Variants in FSTL5 observed in about 807,000 individuals in gnomAD.
FSTL5 encodes follistatin-related protein 5.
FSTL5 carries 62 observed loss-of-function variants against 89.1 expected under a neutral mutation model. The observed-to-expected ratio is 0.70, with a 90% CI of 0.57 to 0.86. FSTL5 has a LOEUF of 0.86. FSTL5 is among the 40% of genes least tolerant of loss of function. The pLI is 0.00. For synonymous variants in FSTL5, 383 were observed against 346.2 expected, an observed-to-expected ratio of 1.11 and a Z score of -1.18; for missense variants, 1,057 against 1,001.6, an observed-to-expected ratio of 1.06 and a Z score of -0.75.
At chr4:161,652,238 AC>A (rs1736366579) in intron 7 of FSTL5, among the ~76,000 whole-genome samples, 3 of 152,230 alleles carry the variant, frequency 2.0e-5, no homozygotes, top group Admixed American at 1.3e-4. Context: ...GGATTTCGAG[AC>A]CAGCCTGGCC....
chr4:162,113,825 G>A (rs907438620), intron 1 of FSTL5, among the ~76,000 whole-genome samples: 2 of 152,028 alleles, frequency 1.3e-5, no homozygotes, highest in African/African-American at 4.8e-5. Flanking sequence ...TTTTAGTTAC[G>A]CATTCCCATA....
chr4:161,790,181 A>G lies in FSTL5; in HGVS notation c.410-14107T>C, dbSNP rs1413551817. 5.3e-5 allele frequency among the ~76,000 whole-genome samples: 8 copies of G among 152,186 alleles called. No homozygotes were observed. In the East Asian group the frequency reaches 1.5e-3, roughly 29 times the overall value. The stretch of plus-strand genomic sequence containing the variant: ...TATCAGGATCTGGCTTCTGTTATTT[A>G]TTGAAGACACAATGTTTTGATTGTT... On this transcript the variant is annotated intron_variant, in intron 4 of 15. Coordinates refer to ENST00000306100, the MANE Select transcript of FSTL5 (RefSeq NM_020116.5).
At chr4:161,806,669 A>T (rs1226689101) in intron 4 of FSTL5, among the ~76,000 whole-genome samples, 5 of 152,190 alleles carry the variant, frequency 3.3e-5, no homozygotes, top group African/African-American at 1.2e-4. Flanking sequence ...GAAATAAATT[A>T]TGCTTTTTGC....
At chr4:161,605,350 G>A (rs542906794) in intron 7 of FSTL5, among the ~76,000 whole-genome samples, 4 of 152,086 alleles carry the variant, frequency 2.6e-5, no homozygotes, top group Admixed American at 1.3e-4. Flanking sequence ...TATTTATACT[G>A]TAATTGCAAT....
chr4:161,735,047 T>C (rs2126765800), intron 6 of FSTL5, among the ~76,000 whole-genome samples: 1 of 152,300 alleles, frequency 6.6e-6, no homozygotes, highest in South Asian at 2.1e-4. Flanking sequence ...CACTTTCCAA[T>C]GCCAATCATA....
At chr4:161,499,966 C>T (rs1176149007) in intron 12 of FSTL5, 50 bp downstream of exon 12, 3 of 1,066,048 alleles carry the variant, frequency 2.8e-6, no homozygotes, top group Non-Finnish European at 4.3e-6. Flanking sequence ...CGTAATTCTA[C>T]TTAACAAAAT....
chr4:161,544,066 A>G (rs2126547068), intron 8 of FSTL5, among the ~76,000 whole-genome samples: 1 of 152,146 alleles, frequency 6.6e-6, no homozygotes, highest in East Asian at 1.9e-4. Flanking sequence ...ATTTGAGACG[A>G]AAAAATTGAA....
At chr4:161,562,607 T>A (rs1400419126) in intron 8 of FSTL5, among the ~76,000 whole-genome samples, 2 of 126,848 alleles carry the variant, frequency 1.6e-5, no homozygotes, top group Non-Finnish European at 3.5e-5. Context: ...ATAAATGGTT[T>A]TTTTTCCTAA....
At chr4:161,664,404 C>T (rs768424906) in intron 6 of FSTL5, among the ~76,000 whole-genome samples, 11 of 152,122 alleles carry the variant, frequency 7.2e-5, no homozygotes, top group Non-Finnish European at 1.3e-4. Context: ...ATCATCTCTC[C>T]CAAGTTCAAA....
At chr4:161,572,896 G>C (rs1401356267) in intron 8 of FSTL5, among the ~76,000 whole-genome samples, 1 of 152,140 alleles carries the variant, frequency 6.6e-6, no homozygotes. Context: ...AAAAAACATA[G>C]AGCATTAAAA....
intron 4 of FSTL5, among the ~76,000 whole-genome samples, chr4:161,846,861 T>C (rs1013595903): frequency 2.0e-5 from 3 of 152,204 alleles, no homozygotes; most frequent in African/African-American, 4.8e-5. Context: ...ATATTTTTTG[T>C]AGCTGATTAG....
At chr4:161,792,213 G>A (rs1729501789) in intron 4 of FSTL5, among the ~76,000 whole-genome samples, 1 of 152,142 alleles carries the variant, frequency 6.6e-6, no homozygotes, top group Admixed American at 6.5e-5. Context: ...GCGTGTCCAA[G>A]GCAGTGCTGA....
intron 12 of FSTL5, among the ~76,000 whole-genome samples, chr4:161,485,462 A>G (rs1018027893): frequency 1.3e-5 from 2 of 152,196 alleles, no homozygotes; most frequent in African/African-American, 2.4e-5. Flanking sequence ...CTCCGCTGTC[A>G]CCTTCTAGGA....
At chr4:161,689,689 C>A (rs897671350) in intron 6 of FSTL5, among the ~76,000 whole-genome samples, 1 of 152,036 alleles carries the variant, frequency 6.6e-6, no homozygotes, top group Non-Finnish European at 1.5e-5. Flanking sequence ...TTAACGTATA[C>A]AACTTAGTGC....
At chr4:161,534,903 C>A (rs1731541990) in intron 10 of FSTL5, among the ~76,000 whole-genome samples, 1 of 151,884 alleles carries the variant, frequency 6.6e-6, no homozygotes, top group Non-Finnish European at 1.5e-5. Context: ...AAACAGACAC[C>A]CCAGAAATAA....
intron 7 of FSTL5, among the ~76,000 whole-genome samples, chr4:161,629,833 G>C (rs1371528251): frequency 6.6e-6 from 1 of 152,188 alleles, no homozygotes; most frequent in African/African-American, 2.4e-5. Flanking sequence ...AAATTACAAA[G>C]GCTTTACCTG....
chr4:161,659,543 G>A (rs562779688), intron 6 of FSTL5, among the ~76,000 whole-genome samples: 96 of 152,170 alleles, frequency 6.3e-4, no homozygotes, highest in African/African-American at 2.2e-3. Context: ...TATCAAGAAT[G>A]TTTCAATGTT....
chr4:161,615,753 C>G (rs1019548770), intron 7 of FSTL5, among the ~76,000 whole-genome samples: 2 of 152,094 alleles, frequency 1.3e-5, no homozygotes, highest in African/African-American at 4.8e-5. Context: ...ATTCTCCTCA[C>G]TATATAAAAT....
intron 7 of FSTL5, among the ~76,000 whole-genome samples, chr4:161,651,884 G>T (rs118076413): frequency 6.6e-6 from 1 of 152,102 alleles, no homozygotes; most frequent in Non-Finnish European, 1.5e-5. Context: ...TAAAACAGAC[G>T]AAATGAAAGT....
Sources: gnomAD v4.1 joint callset for allele counts (sites outside exome capture counted in the v4.1 genomes callset) on GRCh38, gnomAD v4.1.1 for gene constraint, MANE v1.5 for transcripts, NCBI Gene and HGNC (gene_info 2026-07-23, HGNC 2026-07-21) for gene names.